Variants in CPD observed in about 807,000 individuals in gnomAD.
CPD encodes metallocarboxypeptidase D.
Under a neutral mutation model 138.3 loss-of-function variants are expected in CPD, and 69 were observed. The ratio of observed to expected loss-of-function variants is 0.50; its 90% CI spans 0.41 to 0.61. CPD has a LOEUF of 0.61. Ranked by LOEUF, CPD falls within the 20% of genes least tolerant of loss-of-function variation. The pLI is 0.00. For missense variants in CPD, 1,432 were observed against 1,733.3 expected (o/e 0.83, Z 3.09); for synonymous variants, 651 against 642.1 (o/e 1.01, Z -0.21).
At chr17:30,444,899 G>A (rs1912985968) in intron 11 of CPD, among the ~76,000 whole-genome samples, 1 of 151,984 alleles carries the variant, frequency 6.6e-6, no homozygotes, top group African/African-American at 2.4e-5. Flanking sequence ...CAGATATCTA[G>A]TGGTCCGTAA....
intron 15 of CPD, chr17:30,455,883 T>C: frequency 3.9e-6 from 1 of 253,210 alleles, no homozygotes; most frequent in South Asian, 6.3e-5. Flanking sequence ...GTTAAATAGT[T>C]GGTTGTTTAA....
In CPD at chr17:30,466,288, A is replaced by T. The variant is rs1014456930; in HGVS notation, c.*1474A>T. ...CTCTTATCTTCTCAAATTGTATTCT[A>T]TATCCATTAATGTATCAGTTATCCC... On this transcript the variant is annotated 3_prime_UTR_variant, in exon 21 of 21. Coordinates refer to ENST00000225719, the MANE Select transcript of CPD (RefSeq NM_001304.5). The T allele has an allele frequency of 6.6e-6, 1 of 152,636 alleles. No homozygotes were observed. The highest frequency in any genetic ancestry group is 1.5e-5 in the Non-Finnish European group (1 of 68,032). The allele number at this position is 152,636 out of a possible 1,614,324, so 9.5% of individuals were successfully genotyped here. A position where few individuals can be genotyped will look rare whatever the true frequency, so the allele number is the denominator to read the frequency against.
chr17:30,426,121 A>AGAG (rs1488594992), intron 6 of CPD, among the ~76,000 whole-genome samples: 10 of 151,340 alleles, frequency 6.6e-5, no homozygotes, highest in African/African-American at 2.4e-4. Context: ...AATGGCGTGA[A>AGAG]CCCAGGAGGC....
At chr17:30,433,152 T>G (rs1194473976) in intron 8 of CPD, among the ~76,000 whole-genome samples, 1 of 152,196 alleles carries the variant, frequency 6.6e-6, no homozygotes, top group Non-Finnish European at 1.5e-5. Context: ...TCTTGTGAGA[T>G]TGTTCAGAGT....
intron 1 of CPD, chr17:30,380,717 G>A (rs1262942409): frequency 1.6e-5 from 16 of 1,023,958 alleles, no homozygotes; most frequent in Non-Finnish European, 2.3e-5. Flanking sequence ...GCAATAACAC[G>A]GACCATCTCT....
At position 30,379,147 on chromosome 17, in the gene CPD, A is replaced by T; in HGVS notation, c.167A>T (p.Asp56Val). The T allele has an allele frequency of 6.5e-7, 1 of 1,536,136 alleles. No homozygotes were observed. The highest frequency in any genetic ancestry group is 2.0e-5 in the Admixed American group (1 of 50,910). The change falls in exon 1 of 21, where the codon GAC becomes GTC. Residue 56 changes from aspartate (D) to valine (V), a missense_variant. This residue lies in a region of CPD where 484 missense variants were observed against 477.2 expected (regional missense o/e 1.01). Transcript: ENST00000225719. This position sits in a 1 kb window ranked among gnomAD's most constrained non-coding sequence, Gnocchi z 7.0. ...AGAEAAEGQF[D>V]RYYHEEELES... ...GCCGAGGCGGCCGAGGGCCAGTTCGACCGCTACTACCACGAAGAGGAGTTG... is the reference window on the plus strand; with the variant it reads ...GCCGAGGCGGCCGAGGGCCAGTTCGTCCGCTACTACCACGAAGAGGAGTTG...
intron 7 of CPD, 131 bp downstream of exon 7, chr17:30,427,689 C>T (rs1361838559): frequency 6.8e-6 from 5 of 740,070 alleles, no homozygotes; most frequent in Non-Finnish European, 1.1e-5. Flanking sequence ...TGGCAGACAA[C>T]AGTAAAGGTC....
intron 6 of CPD, among the ~76,000 whole-genome samples, chr17:30,425,061 T>G (rs534306761): frequency 6.6e-6 from 1 of 152,120 alleles, no homozygotes; most frequent in Non-Finnish European, 1.5e-5. Context: ...TTCTACATAC[T>G]CCCCAGACCT....
intron 2 of CPD, among the ~76,000 whole-genome samples, chr17:30,419,446 T>G (rs1404214298): frequency 6.6e-6 from 1 of 152,174 alleles, no homozygotes; most frequent in Non-Finnish European, 1.5e-5. Context: ...TTCAAGCGAT[T>G]CTTCTGCCTC....
rs1913732686 is a variant in CPD at position 30,469,611 on chromosome 17, T to C, written c.*4797T>C. ...AAGATCTGTTTATAGGTGATCTTTT[T>C]AATTTAGAAGAAATTCTGAGACACA... is the stretch of plus-strand genomic sequence containing the variant. On this transcript the variant is annotated 3_prime_UTR_variant, in exon 21 of 21. Coordinates refer to ENST00000225719, the MANE Select transcript of CPD (RefSeq NM_001304.5). 6.6e-6 allele frequency: 1 copy of C among 152,248 alleles called. No individual in the cohort carries two copies. The highest frequency in any genetic ancestry group is 1.5e-5 in the Non-Finnish European group (1 of 68,036). 9.4% of individuals were successfully genotyped at this position (152,248 alleles called of 1,614,324 possible).
intron 2 of CPD, among the ~76,000 whole-genome samples, chr17:30,387,841 C>T (rs185344076): frequency 5.3e-5 from 8 of 152,292 alleles, no homozygotes; most frequent in African/African-American, 9.6e-5. Context: ...AACCTCTGTG[C>T]CTGGTGGTGC....
chr17:30,379,763 CTCCAAGGGCCGAGGCTG>C lies in CPD; in HGVS notation c.746+38_746+54del. ...CTGCCCCCTCCCCGTCCGTGTGAGCCTCCAAGGGCCGAGGCTGGTTCCGGCACCCAGTAGGCGCTCAG... is the reference window on the plus strand; with the variant it reads ...CTGCCCCCTCCCCGTCCGTGTGAGCCGTTCCGGCACCCAGTAGGCGCTCAG... On this transcript the variant is annotated intron_variant, in intron 1 of 20. Coordinates refer to ENST00000225719, the MANE Select transcript of CPD (RefSeq NM_001304.5). This position sits in a 1 kb window ranked among gnomAD's most constrained non-coding sequence, Gnocchi z 7.0. The C allele has an allele frequency of 1.5e-6, 2 of 1,378,288 alleles. No homozygotes were observed. Among genetic ancestry groups the C allele is most frequent in the Non-Finnish European group, 1.9e-6 (2 of 1,060,780 alleles). The allele number at this position is 1,378,288 out of a possible 1,614,324, so 85.4% of individuals were successfully genotyped here. A position where few individuals can be genotyped will look rare whatever the true frequency, so the allele number is the denominator to read the frequency against.
At position 30,379,495 on chromosome 17, in the gene CPD, A is replaced by G; in HGVS notation, c.515A>G (p.Asn172Ser). The G allele has an allele frequency of 6.4e-7, 1 of 1,573,590 alleles. No homozygotes were observed. The highest frequency in any genetic ancestry group is 1.1e-5 in the South Asian group (1 of 87,750). The change falls in exon 1 of 21, where the codon AAC becomes AGC. Residue 172 changes from asparagine (N) to serine (S), a missense_variant. Asn to Ser is a conservative substitution (Grantham distance 46). This residue lies in a region of CPD where 484 missense variants were observed against 477.2 expected (regional missense o/e 1.01). Transcript: ENST00000225719. This position sits in a 1 kb window ranked among gnomAD's most constrained non-coding sequence, Gnocchi z 7.0. ...RGDPRLVRLL[N>S]TTDVYLLPSL... Reference sequence around the variant, plus strand: ...GACCCGCGCCTGGTCCGCCTGCTCAACACCACCGACGTGTACCTGCTGCCC... The same window carrying G: ...GACCCGCGCCTGGTCCGCCTGCTCAGCACCACCGACGTGTACCTGCTGCCC...
intron 2 of CPD, among the ~76,000 whole-genome samples, chr17:30,409,733 A>T (rs901056777): frequency 1.1e-4 from 13 of 122,168 alleles, no homozygotes; most frequent in Non-Finnish European, 1.5e-4. Flanking sequence ...CATCTATTTG[A>T]TTCTTCTCTC....
At chr17:30,431,110 T>C (rs560948262) in intron 7 of CPD, among the ~76,000 whole-genome samples, 1 of 152,336 alleles carries the variant, frequency 6.6e-6, no homozygotes, top group South Asian at 2.1e-4. Context: ...AGTTTCTTCA[T>C]ATCCTCACCA....
chr17:30,435,232 C>T (rs191693626), intron 8 of CPD, among the ~76,000 whole-genome samples: 2 of 152,206 alleles, frequency 1.3e-5, no homozygotes, highest in African/African-American at 4.8e-5. Context: ...AGTTAGGGAA[C>T]TCATACATCC....
chr17:30,385,301 T>G, intron 2 of CPD, 65 bp downstream of exon 2: 1 of 1,522,546 alleles, frequency 6.6e-7, no homozygotes, highest in South Asian at 1.3e-5. Context: ...ATGTGTATTC[T>G]GAGCAAAAAA....
At chr17:30,460,229 T>C (rs1421809638) in intron 17 of CPD, among the ~76,000 whole-genome samples, 7 of 152,182 alleles carry the variant, frequency 4.6e-5, no homozygotes, top group Non-Finnish European at 1.0e-4. Flanking sequence ...AGTTAGAATA[T>C]GGGGTGTAAT....
Position 30,422,775 on chromosome 17 carries a change from C to G in CPD, c.1409C>G (p.Thr470Arg), listed in dbSNP as rs192520453. 198 of 1,614,004 alleles carry G rather than the reference C, an allele frequency of 1.2e-4. 1 individual carries two copies. In the East Asian group the frequency reaches 4.1e-3, roughly 33 times the overall value. Residue 470 changes from threonine (T) to arginine (R), a missense_variant, in exon 5 of 21, where the codon ACG becomes AGG. Thr to Arg is a moderately conservative substitution (Grantham distance 71, BLOSUM62 -1). Around this residue, in one of 6 missense-constraint regions of CPD, gnomAD observed 160 missense variants for 197.9 expected, o/e 0.81. Coordinates refer to ENST00000225719, the MANE Select transcript of CPD (RefSeq NM_001304.5). ...RPTVTSVIPDTTEAVSTASTV... is the reference protein window; with the variant it reads ...RPTVTSVIPDRTEAVSTASTV... ...ACTGTAACTTCAGTAATCCCTGACA[C>G]GACAGAGGCTGTATCAACTGCTAGC... is the stretch of plus-strand genomic sequence containing the variant.
Sources: gnomAD v4.1 joint callset for allele counts (sites outside exome capture counted in the v4.1 genomes callset) on GRCh38, gnomAD v4.1.1 for gene constraint, gnomAD v4.1.1 regional missense constraint, Gnocchi (gnomAD v3.1) non-coding constraint, MANE v1.5 for transcripts, NCBI Gene and HGNC (gene_info 2026-07-23, HGNC 2026-07-21) for gene names.